Variants in LAMB4 observed in about 807,000 individuals in gnomAD.
LAMB4 encodes laminin subunit beta-4.
In LAMB4, 196 loss-of-function variants were observed where a neutral mutation model predicts 199.2. That is an observed-to-expected ratio of 0.98 (90% CI 0.88 to 1.11). The LOEUF is 1.11. Ranked by LOEUF, LAMB4 falls within the 50% of genes least tolerant of loss-of-function variation. The pLI is 0.00. For synonymous variants in LAMB4, 744 were observed against 770.6 expected (o/e 0.97, Z 0.57); for missense variants, 2,080 against 2,171.2 (o/e 0.96, Z 0.83).
chr7:108,109,064 T>G (rs982147717), intron 5 of LAMB4, 107 bp downstream of exon 5: 3 of 818,718 alleles, frequency 3.7e-6, no homozygotes, highest in Non-Finnish European at 6.3e-6. Flanking sequence ...AGTCTGAACT[T>G]ATTCTGTTTT....
chr7:108,107,723 A>C lies in LAMB4; in HGVS notation c.499T>G (p.Phe167Val). 7 of 1,613,864 alleles carry C rather than the reference A, an allele frequency of 4.3e-6. No individual in the cohort carries two copies. The highest frequency in any genetic ancestry group is 5.9e-6 in the Non-Finnish European group (7 of 1,179,862). ...KYFAKDCATS[F>V]PNITSGQAQG... is the part of the protein sequence containing the mutation. ...GCCTGGCCAGATGTGATGTTAGGAA[A>C]GGAAGTGGCACAGTCTTTTGCAAAA... The change falls in exon 6 of 34, where the codon TTT (phenylalanine) becomes GTT (valine). Residue 167 changes from phenylalanine (F) to valine (V), a missense_variant. Coordinates refer to ENST00000388781, the MANE Select transcript of LAMB4 (RefSeq NM_007356.3).
At chr7:108,016,275 A>ATTT in the LAMB4 span, among the ~76,000 whole-genome samples, 50 of 97,834 alleles carry the variant, frequency 5.1e-4, no homozygotes, top group South Asian at 6.6e-4. Context: ...GCATTTTGGA[A>ATTT]TTTTTTTTTT....
chr7:108,032,414 T>TAAAAAAAAAAAAA (rs35203310), intron 31 of LAMB4, among the ~76,000 whole-genome samples: 2 of 151,872 alleles, frequency 1.3e-5, no homozygotes, highest in East Asian at 3.9e-4. Context: ...AAAAAATCTT[T>TAAAAAAAAAAAAA]AAAAAGGCAA....
chr7:108,129,923 G>A (rs2038921240), intron 1 of LAMB4, among the ~76,000 whole-genome samples: 1 of 152,170 alleles, frequency 6.6e-6, no homozygotes, highest in Non-Finnish European at 1.5e-5. Flanking sequence ...GAAAATATGG[G>A]TAGTTCTAAT....
intron 10 of LAMB4, among the ~76,000 whole-genome samples, chr7:108,098,914 T>C (rs747351010): frequency 5.3e-5 from 8 of 152,208 alleles, no homozygotes; most frequent in Non-Finnish European, 1.0e-4. Context: ...CGTTTTGGAA[T>C]TAGGTAGATG....
the LAMB4 span, among the ~76,000 whole-genome samples, chr7:108,017,253 A>C: frequency 1.3e-5 from 2 of 152,192 alleles, no homozygotes; most frequent in Non-Finnish European, 2.9e-5. Context: ...TAATGAGTAA[A>C]GATAAAGATT....
chr7:108,050,205 C>T (rs2150524228), intron 26 of LAMB4, among the ~76,000 whole-genome samples: 1 of 152,268 alleles, frequency 6.6e-6, no homozygotes, highest in East Asian at 1.9e-4. Flanking sequence ...GTTTCCTGAA[C>T]CCTGATGTTG....
chr7:108,097,668 C>T (rs1013001480), intron 11 of LAMB4, among the ~76,000 whole-genome samples: 2 of 152,042 alleles, frequency 1.3e-5, no homozygotes, highest in Admixed American at 6.6e-5. Context: ...GCCTGTAGTC[C>T]CAGCCACTGC....
Position 108,089,805 on chromosome 7 carries a change from G to A in LAMB4, c.1701+1821C>T, listed in dbSNP as rs577952800. ...AGCTTCCTGAGTAGCTGGGATTGAA[G>A]GCATGTGCCACCATACCCAACTATT... On this transcript the variant is annotated intron_variant, in intron 14 of 33. Coordinates refer to ENST00000388781, the MANE Select transcript of LAMB4 (RefSeq NM_007356.3). Among the ~76,000 whole-genome samples the A allele has an allele frequency of 2.6e-5, 4 of 152,300 alleles. No individual in the cohort carries two copies. In the South Asian group the frequency reaches 8.3e-4, roughly 32 times the overall value.
intron 17 of LAMB4, among the ~76,000 whole-genome samples, chr7:108,072,704 T>C (rs10269369): frequency 0.16 from 24,245 of 152,010 alleles, 3,264 homozygotes; most frequent in African/African-American, 0.37. Context: ...GCAGGGATAG[T>C]ACATGTCTTG....
At chr7:108,092,684 T>A (rs1287662101) in intron 12 of LAMB4, among the ~76,000 whole-genome samples, 1 of 152,060 alleles carries the variant, frequency 6.6e-6, no homozygotes, top group Non-Finnish European at 1.5e-5. Flanking sequence ...GACGGGTGGA[T>A]CACTTGAGGT....
chr7:108,053,426 G>T (rs966560171), intron 25 of LAMB4, among the ~76,000 whole-genome samples: 1 of 152,194 alleles, frequency 6.6e-6, no homozygotes, highest in Admixed American at 6.5e-5. Flanking sequence ...AGACAAGCAC[G>T]TGAGAAGGCA....
At chr7:108,071,713 G>C (rs2036541304) in intron 17 of LAMB4, among the ~76,000 whole-genome samples, 1 of 152,114 alleles carries the variant, frequency 6.6e-6, no homozygotes, top group Non-Finnish European at 1.5e-5. Context: ...GATGTGTCTA[G>C]GGTGCATTTA....
downstream of LAMB4, among the ~76,000 whole-genome samples, chr7:108,021,069 C>T (rs2150471554): frequency 6.6e-6 from 1 of 152,260 alleles, no homozygotes; most frequent in South Asian, 2.1e-4. Context: ...ACAAAGTCTA[C>T]ATCCTCAATC....
rs191556611 is a variant in LAMB4 at position 108,059,656 on chromosome 7, C to G, written c.3283-1728G>C. On this transcript the variant is annotated intron_variant, in intron 23 of 33. Transcript: ENST00000388781. ...GCCCTTAACCTGGGCACAGCACCCC[C>G]CTACTCCAGCCTGTTCAGGCGTCGC... Among the ~76,000 whole-genome samples, 903 of 152,310 alleles carry G rather than the reference C, an allele frequency of 5.9e-3. 1 individual carries two copies. The highest frequency in any genetic ancestry group is 9.5e-3 in the Non-Finnish European group (648 of 68,028).
chr7:108,047,725 A>AC (rs1563044698), intron 28 of LAMB4, among the ~76,000 whole-genome samples, 183 bp downstream of exon 28: 1 of 152,010 alleles, frequency 6.6e-6, no homozygotes, highest in Non-Finnish European at 1.5e-5. Flanking sequence ...ATCAATATTA[A>AC]CCTCTGTTTC....
intron 28 of LAMB4, chr7:108,044,116 T>G (rs1263553993): frequency 2.4e-6 from 1 of 419,370 alleles, no homozygotes; most frequent in African/African-American, 2.1e-5. Flanking sequence ...ATTTATCTTT[T>G]AGAACATTAC....
chr7:108,107,398 G>A (rs951829177), intron 6 of LAMB4, among the ~76,000 whole-genome samples: 3 of 152,188 alleles, frequency 2.0e-5, no homozygotes, highest in East Asian at 1.9e-4. Context: ...ATGGTGCCCC[G>A]TTTAAGTGTT....
chr7:108,019,552 C>T (rs544951105), downstream of LAMB4, among the ~76,000 whole-genome samples: 12 of 152,022 alleles, frequency 7.9e-5, no homozygotes, highest in Non-Finnish European at 1.6e-4. Flanking sequence ...CTCCCACAAA[C>T]GACAAACAAC....
Sources: gnomAD v4.1 joint callset for allele counts (sites outside exome capture counted in the v4.1 genomes callset) on GRCh38, gnomAD v4.1.1 for gene constraint, MANE v1.5 for transcripts, NCBI Gene and HGNC (gene_info 2026-07-23, HGNC 2026-07-21) for gene names.